HDAC9: variants seen among roughly 807,000 people sequenced by gnomAD.
HDAC9 encodes the protein MEF-2 interacting transcription repressor (MITR) protein.
HDAC9 carries 41 observed loss-of-function variants against 139.4 expected under a neutral mutation model. That is an observed-to-expected ratio of 0.29 (90% CI 0.23 to 0.38). HDAC9 has a LOEUF of 0.38. HDAC9 is among the 10% of genes least tolerant of loss of function. The probability of loss-of-function intolerance (pLI) is 1.00; values close to 1 mark genes in which losing one functional copy is unlikely to be tolerated. For missense variants in HDAC9, 1,147 were observed against 1,297.0 expected, an observed-to-expected ratio of 0.88 and a Z score of 1.78; for synonymous variants, 517 against 476.2, an observed-to-expected ratio of 1.09 and a Z score of -1.12.
intron 1 of HDAC9, among the ~76,000 whole-genome samples, chr7:18,316,074 C>G (rs985939146): frequency 2.0e-5 from 3 of 152,150 alleles, no homozygotes; most frequent in Non-Finnish European, 4.4e-5. Context: ...AAGAGCTATA[C>G]CAGTTTTTCT....
intron 2 of HDAC9, among the ~76,000 whole-genome samples, chr7:18,524,254 A>T (rs1806056620): frequency 6.6e-6 from 1 of 152,192 alleles, no homozygotes; most frequent in South Asian, 2.1e-4. Context: ...ACTGAAAGTT[A>T]ACAACTTTGT....
intron 2 of HDAC9, among the ~76,000 whole-genome samples, chr7:18,182,732 C>A (rs1003812011): frequency 6.6e-6 from 1 of 152,146 alleles, no homozygotes; most frequent in Non-Finnish European, 1.5e-5. Context: ...GATCCAGGTA[C>A]CTTAATTCCA....
At chr7:18,136,325 A>G (rs1785415398) in intron 1 of HDAC9, among the ~76,000 whole-genome samples, 1 of 151,904 alleles carries the variant, frequency 6.6e-6, no homozygotes, top group African/African-American at 2.4e-5. Flanking sequence ...CCATTTGTCA[A>G]TTTTGTCCTT....
At chr7:18,590,944 G>A (rs552071056) in intron 4 of HDAC9, among the ~76,000 whole-genome samples, 32 of 152,290 alleles carry the variant, frequency 2.1e-4, no homozygotes, top group Admixed American at 7.2e-4. Flanking sequence ...CTATCCACAA[G>A]AGGGAGACAG....
intron 6 of HDAC9, among the ~76,000 whole-genome samples, chr7:18,620,306 ATAAT>A (rs1439403443): frequency 2.0e-5 from 3 of 152,136 alleles, no homozygotes; most frequent in Non-Finnish European, 1.5e-5. Context: ...TAACTATAAA[ATAAT>A]TAGAATTTTA....
At chr7:18,637,721 G>A (rs1784336448) in intron 8 of HDAC9, among the ~76,000 whole-genome samples, 1 of 152,038 alleles carries the variant, frequency 6.6e-6, no homozygotes, top group Admixed American at 6.6e-5. Flanking sequence ...ATGCACTGAT[G>A]AGTAGCCTCT....
chr7:18,742,429 A>C (rs1323811752), intron 13 of HDAC9, among the ~76,000 whole-genome samples: 1 of 152,212 alleles, frequency 6.6e-6, no homozygotes, highest in Non-Finnish European at 1.5e-5. Flanking sequence ...TAAGGTATGT[A>C]CATTGGTTTC....
At chr7:18,148,641 G>T (rs1216288526) in intron 1 of HDAC9, among the ~76,000 whole-genome samples, 1 of 151,968 alleles carries the variant, frequency 6.6e-6, no homozygotes, top group South Asian at 2.1e-4. Context: ...TGTATTTTTA[G>T]TAGAGATGGG....
At chr7:18,171,431 C>A (rs1279104754) in intron 2 of HDAC9, among the ~76,000 whole-genome samples, 1 of 152,104 alleles carries the variant, frequency 6.6e-6, no homozygotes, top group Non-Finnish European at 1.5e-5. Context: ...ATTGAATACC[C>A]TTTATTTCTT....
chr7:18,237,665 G>A (rs1189686553), intron 2 of HDAC9, among the ~76,000 whole-genome samples: 1 of 152,154 alleles, frequency 6.6e-6, no homozygotes, highest in East Asian at 1.9e-4. Flanking sequence ...ACTGAGCTGG[G>A]TAATTGAGAG....
intron 22 of HDAC9, among the ~76,000 whole-genome samples, chr7:18,889,442 A>T (rs905928457): frequency 2.0e-4 from 28 of 140,496 alleles, no homozygotes; most frequent in African/African-American, 4.5e-4. Context: ...GGAGTGATTT[A>T]AAAAAAAATG....
At chr7:18,588,130 A>G (rs1299190136) in intron 3 of HDAC9, among the ~76,000 whole-genome samples, 1 of 152,216 alleles carries the variant, frequency 6.6e-6, no homozygotes, top group African/African-American at 2.4e-5. Context: ...TCTGGGAGTA[A>G]TAAGGCTATT....
intron 1 of HDAC9, among the ~76,000 whole-genome samples, chr7:18,311,910 A>G (rs1799343947): frequency 6.6e-6 from 1 of 152,134 alleles, no homozygotes; most frequent in South Asian, 2.1e-4. Flanking sequence ...GCTGATGGAG[A>G]TTACTGTGGG....
At chr7:18,413,435 A>G (rs940527394) in intron 1 of HDAC9, among the ~76,000 whole-genome samples, 54 of 152,106 alleles carry the variant, frequency 3.6e-4, no homozygotes, top group African/African-American at 1.3e-3. Flanking sequence ...CCTTGTTGAT[A>G]TTTTTGAAGT....
intron 1 of HDAC9, among the ~76,000 whole-genome samples, chr7:18,297,771 G>A (rs1798249030): frequency 6.6e-6 from 1 of 152,168 alleles, no homozygotes; most frequent in Non-Finnish European, 1.5e-5. Flanking sequence ...CATCAACAAA[G>A]TTTGTTTCTA....
chr7:18,454,980 T>G (rs886279618), intron 1 of HDAC9, among the ~76,000 whole-genome samples: 3 of 152,094 alleles, frequency 2.0e-5, no homozygotes, highest in African/African-American at 7.2e-5. Flanking sequence ...CTTAACTGAT[T>G]TCTAATAAGG....
At chr7:18,444,821 C>T (rs1298564437) in intron 1 of HDAC9, among the ~76,000 whole-genome samples, 3 of 152,158 alleles carry the variant, frequency 2.0e-5, no homozygotes, top group Non-Finnish European at 2.9e-5. Flanking sequence ...TCTTACTAAG[C>T]CTGTTCTTGA....
chr7:18,666,467 T>C lies in HDAC9; in HGVS notation c.1722T>C (p.Phe574=). The part of the protein sequence containing the change: ...QEMESGEQAA[F]MQQPFLEPTH... ...TGGAATCTGGGGAGCAGGCTGCTTT[T>C]ATGCAACAGGTAATAGGCAAAGATT... The change falls in exon 12 of 26, where the codon TTT becomes TTC. Residue 574 remains phenylalanine, a synonymous_variant. Coordinates refer to ENST00000686413, the MANE Select transcript of HDAC9 (RefSeq NM_178425.4). 1 of 1,608,998 alleles carries C rather than the reference T, an allele frequency of 6.2e-7. No homozygotes were observed.
At chr7:18,448,721 A>T (rs1792525439) in intron 1 of HDAC9, among the ~76,000 whole-genome samples, 2 of 152,184 alleles carry the variant, frequency 1.3e-5, no homozygotes, top group South Asian at 4.1e-4. Flanking sequence ...AAAATGGTAC[A>T]AATTAATTTG....
Sources: gnomAD v4.1 joint callset for allele counts (sites outside exome capture counted in the v4.1 genomes callset) on GRCh38, gnomAD v4.1.1 for gene constraint, MANE v1.5 for transcripts, NCBI Gene and HGNC (gene_info 2026-07-23, HGNC 2026-07-21) for gene names.